The following SCRG1 variants were observed in gnomAD, a reference collection of about 807,000 sequenced individuals.
SCRG1 encodes the protein stimulator of chondrogenesis 1.
SCRG1 carries 3 observed loss-of-function variants against 7.7 expected under a neutral mutation model. The observed-to-expected ratio is 0.39, with a 90% CI of 0.18 to 1.01. The LOEUF is 1.01. SCRG1 is among the 50% of genes least tolerant of loss of function. SCRG1 has a pLI of 0.36. For missense variants in SCRG1, 110 were observed against 117.2 expected, an observed-to-expected ratio of 0.94 and a Z score of 0.28; for synonymous variants, 46 against 41.2, an observed-to-expected ratio of 1.12 and a Z score of -0.44.
At chr4:173,419,362 T>A in the SCRG1 span, 1 of 1,110,682 alleles carries the variant, frequency 9.0e-7, no homozygotes, top group Non-Finnish European at 1.3e-6. Context: ...TTTTAATTTC[T>A]TTCTTGGGCT....
At position 173,386,375 on chromosome 4, in the gene SCRG1, C is replaced by A. The variant is rs1210548979; in HGVS notation, c.*1966G>T. ...GTATTAGCCAGGATGGTCTTGATCTCCTGACCTCGTGATAAGCCCGCCTCC... is the reference window on the plus strand; with the variant it reads ...GTATTAGCCAGGATGGTCTTGATCTACTGACCTCGTGATAAGCCCGCCTCC... On this transcript the variant is annotated 3_prime_UTR_variant, in exon 3 of 3. Coordinates refer to ENST00000296506, the MANE Select transcript of SCRG1 (RefSeq NM_007281.4). The A allele has an allele frequency of 1.3e-5, 2 of 150,280 alleles. No homozygotes were observed. Among genetic ancestry groups the A allele is most frequent in the African/African-American group, 4.9e-5 (2 of 40,634 alleles). 9.3% of individuals were successfully genotyped at this position (150,280 alleles called of 1,614,324 possible). A position where few individuals can be genotyped will look rare whatever the true frequency, so the allele number is the denominator to read the frequency against.
the SCRG1 span, among the ~76,000 whole-genome samples, chr4:173,463,421 C>T: frequency 6.6e-6 from 1 of 152,156 alleles, no homozygotes; most frequent in South Asian, 2.1e-4. Context: ...ACCACAGGCA[C>T]ACGCCACCAT....
the SCRG1 span, among the ~76,000 whole-genome samples, chr4:173,414,005 G>T: frequency 6.6e-6 from 1 of 152,156 alleles, no homozygotes. Context: ...CAAGATTGAG[G>T]GAACAAGTTT....
At chr4:173,476,380 A>ATATATATAT in the SCRG1 span, among the ~76,000 whole-genome samples, 5 of 138,534 alleles carry the variant, frequency 3.6e-5, no homozygotes, top group Non-Finnish European at 6.4e-5. Context: ...ATATATATAT[A>ATATATATAT]ATGAATTGAA....
the SCRG1 span, among the ~76,000 whole-genome samples, chr4:173,445,105 T>TTA: frequency 3.3e-5 from 5 of 151,468 alleles, no homozygotes; most frequent in Admixed American, 2.0e-4. Context: ...ACAGAAATGA[T>TTA]AAAAAAAGCC....
chr4:173,391,333 A>T lies in SCRG1; in HGVS notation c.82T>A (p.Cys28Ser), dbSNP rs566184682. 1 of 1,614,208 alleles carries T rather than the reference A, an allele frequency of 6.2e-7. No individual in the cohort carries two copies. Among genetic ancestry groups the T allele is most frequent in the African/African-American group, 1.3e-5 (1 of 75,062 alleles). The change falls in exon 2 of 3, where the codon TGC becomes AGC. Residue 28 changes from cysteine (C) to serine (S), a missense_variant. Coordinates refer to ENST00000296506, the MANE Select transcript of SCRG1 (RefSeq NM_007281.4). ...TGATCTTTTAGTATCTTTCTGTAGC[A>T]AGAGAGGCGATTTGCAGGCATGGCT... ...VQAMPANRLS[C>S]YRKILKDHNC...
rs1053573464 is a variant in SCRG1 at position 173,386,751 on chromosome 4, G to A, written c.*1590C>T. ...CTCAAACATTTCCCCACAATACTTT[G>A]TATGGCACCCTATACTTCTCTGTAG... is the stretch of plus-strand genomic sequence containing the variant. On this transcript the variant is annotated 3_prime_UTR_variant, in exon 3 of 3. Transcript: ENST00000296506. 1.3e-5 allele frequency: 2 copies of A among 152,132 alleles called. No homozygotes were observed. Among genetic ancestry groups the A allele is most frequent in the East Asian group, 1.9e-4 (1 of 5,192 alleles). 9.4% of individuals were successfully genotyped at this position (152,132 alleles called of 1,614,324 possible). A position where few individuals can be genotyped will look rare whatever the true frequency, so the allele number is the denominator to read the frequency against.
At chr4:173,511,778 G>A in the SCRG1 span, among the ~76,000 whole-genome samples, 3 of 152,006 alleles carry the variant, frequency 2.0e-5, no homozygotes, top group Non-Finnish European at 4.4e-5. The surrounding 1 kb of genome is among the most constrained non-coding windows in gnomAD (Gnocchi z 5.2). Flanking sequence ...ATATTATAAT[G>A]TATATATATA....
At chr4:173,436,107 C>T in the SCRG1 span, among the ~76,000 whole-genome samples, 1 of 152,036 alleles carries the variant, frequency 6.6e-6, no homozygotes, top group Non-Finnish European at 1.5e-5. Flanking sequence ...AAAAACTCCT[C>T]GTTTTCTAAT....
the SCRG1 span, among the ~76,000 whole-genome samples, chr4:173,458,613 G>A: frequency 1.3e-5 from 2 of 151,988 alleles, no homozygotes; most frequent in Admixed American, 6.6e-5. Context: ...ACACAAAGGC[G>A]AAAGAGAAAA....
the SCRG1 span, among the ~76,000 whole-genome samples, chr4:173,502,983 CGAA>C: frequency 3.3e-5 from 5 of 152,304 alleles, no homozygotes; most frequent in East Asian, 5.8e-4. The surrounding 1 kb of genome is among the most constrained non-coding windows in gnomAD (Gnocchi z 4.6). Context: ...GTGGGACTCA[CGAA>C]GAAGGAGTGT....
chr4:173,423,669 A>AATTT, the SCRG1 span, among the ~76,000 whole-genome samples: 1 of 150,746 alleles, frequency 6.6e-6, no homozygotes, highest in Non-Finnish European at 1.5e-5. Context: ...TTTTTTTTTA[A>AATTT]TTTTTTTTTT....
chr4:173,479,052 G>A, the SCRG1 span, among the ~76,000 whole-genome samples: 3 of 152,108 alleles, frequency 2.0e-5, no homozygotes, highest in Non-Finnish European at 4.4e-5. Context: ...TGGCTTGTTC[G>A]TACACTGGGT....
At chr4:173,475,653 A>G in the SCRG1 span, among the ~76,000 whole-genome samples, 2 of 152,234 alleles carry the variant, frequency 1.3e-5, no homozygotes, top group African/African-American at 4.8e-5. Context: ...TGTTCATGGC[A>G]GCATCATTCA....
the SCRG1 span, among the ~76,000 whole-genome samples, chr4:173,491,951 G>A: frequency 1.3e-5 from 2 of 152,104 alleles, no homozygotes; most frequent in East Asian, 3.9e-4. Flanking sequence ...GCAACATAGT[G>A]AGACTCCATC....
chr4:173,449,262 A>G, the SCRG1 span, among the ~76,000 whole-genome samples: 20 of 152,314 alleles, frequency 1.3e-4, 1 homozygote, highest in Middle Eastern at 3.4e-3. Context: ...TGGCATTCAC[A>G]GTAGTGAACA....
At chr4:173,443,943 TTGTGTGTGTGTGTGTGTGTG>T in the SCRG1 span, among the ~76,000 whole-genome samples, 43 of 138,796 alleles carry the variant, frequency 3.1e-4, 1 homozygote, top group South Asian at 7.2e-3. Flanking sequence ...AGAGCTTGTT[TTGTGTGTGTGTGTGTGTGTG>T]TGTGTGTGTG....
At chr4:173,460,582 T>A in the SCRG1 span, among the ~76,000 whole-genome samples, 1 of 152,200 alleles carries the variant, frequency 6.6e-6, no homozygotes, top group Non-Finnish European at 1.5e-5. Context: ...GGGAACCCCG[T>A]GCCCTGAAGG....
At chr4:173,394,123 T>C (rs1489016529) in intron 1 of SCRG1, among the ~76,000 whole-genome samples, 1 of 152,158 alleles carries the variant, frequency 6.6e-6, no homozygotes, top group African/African-American at 2.4e-5. Context: ...AAGTAATTAT[T>C]GATAGGGAAG....
Sources: allele counts gnomAD v4.1 joint callset (sites outside exome capture counted in the v4.1 genomes callset), GRCh38; gene constraint gnomAD v4.1.1; non-coding constraint Gnocchi (gnomAD v3.1); transcripts MANE v1.5; gene names NCBI Gene and HGNC (gene_info 2026-07-23, HGNC 2026-07-21).